RORA: variants seen among roughly 807,000 people sequenced by gnomAD.
The protein encoded by RORA is nuclear receptor ROR-alpha.
RORA carries 7 observed loss-of-function variants against 69.5 expected under a neutral mutation model. That is an observed-to-expected ratio of 0.10 (90% confidence interval 0.06 to 0.19). RORA has a LOEUF of 0.19. Among genes scored for constraint, RORA ranks in the 10% least tolerant of loss-of-function variants. RORA has a pLI of 1.00. For missense variants in RORA, 457 were observed against 663.0 expected (o/e 0.69, Z 3.41); for synonymous variants, 261 against 240.8 (o/e 1.08, Z -0.78).
intron 1 of RORA, among the ~76,000 whole-genome samples, chr15:60,967,511 G>A (rs1893588515): frequency 1.3e-5 from 2 of 152,232 alleles, no homozygotes; most frequent in East Asian, 1.9e-4. Flanking sequence ...AATGACTGAC[G>A]GGCCTGTAAT....
intron 1 of RORA, among the ~76,000 whole-genome samples, chr15:61,205,462 G>A (rs1339278303): frequency 6.6e-6 from 1 of 152,218 alleles, no homozygotes; most frequent in Non-Finnish European, 1.5e-5. Context: ...TACTTGTCAG[G>A]ATTGCACGCA....
At chr15:60,609,735 A>T (rs1248855252) in intron 2 of RORA, among the ~76,000 whole-genome samples, 1 of 152,208 alleles carries the variant, frequency 6.6e-6, no homozygotes, top group East Asian at 1.9e-4. Flanking sequence ...TTGCCCAAAG[A>T]GGGGTCTCCA....
Position 60,494,243 on chromosome 15 carries a change from C to T in RORA, c.*3212G>A, listed in dbSNP as rs1440130428. On this transcript the variant is annotated 3_prime_UTR_variant, in exon 11 of 11. Coordinates refer to ENST00000335670, the MANE Select transcript of RORA (RefSeq NM_134261.3). ...TGTCCAAAAAGCACTTTCATCTGTA[C>T]TTTTGTTTGCATTGTGACCAAGGCC... The T allele has an allele frequency of 1.3e-5, 2 of 152,174 alleles. No homozygotes were observed. The highest frequency in any genetic ancestry group is 2.4e-5 in the African/African-American group (1 of 41,440). 9.4% of individuals were successfully genotyped at this position (152,174 alleles called of 1,614,324 possible).
intron 1 of RORA, among the ~76,000 whole-genome samples, chr15:61,210,701 CT>C (rs1343317032): frequency 6.6e-6 from 1 of 152,132 alleles, no homozygotes; most frequent in Non-Finnish European, 1.5e-5. Flanking sequence ...TTTTTGAAAC[CT>C]TGAGCCGCAA....
chr15:61,004,900 C>A (rs1167519533), intron 1 of RORA, among the ~76,000 whole-genome samples: 1 of 152,064 alleles, frequency 6.6e-6, no homozygotes, highest in Non-Finnish European at 1.5e-5. Flanking sequence ...AAAGATAATA[C>A]CAATGTTGAT....
intron 1 of RORA, among the ~76,000 whole-genome samples, chr15:61,139,902 T>G (rs1193871742): frequency 1.3e-5 from 2 of 152,202 alleles, no homozygotes; most frequent in Non-Finnish European, 2.9e-5. Context: ...TTTAAAAATA[T>G]AGTTAAATGA....
chr15:60,788,490 C>G (rs760318930), intron 1 of RORA, among the ~76,000 whole-genome samples: 1 of 152,224 alleles, frequency 6.6e-6, no homozygotes, highest in East Asian at 1.9e-4. Flanking sequence ...GACCTATCAT[C>G]TTTCTTTTTC....
chr15:60,607,712 G>C (rs867828804), intron 2 of RORA, among the ~76,000 whole-genome samples: 1 of 152,196 alleles, frequency 6.6e-6, no homozygotes, highest in Non-Finnish European at 1.5e-5. Flanking sequence ...ATTTACTGGA[G>C]TGATGAGTGT....
intron 1 of RORA, among the ~76,000 whole-genome samples, chr15:61,205,612 G>A (rs1021600013): frequency 1.3e-5 from 2 of 152,168 alleles, no homozygotes; most frequent in African/African-American, 4.8e-5. Context: ...GGATACCTAA[G>A]GAATGAAAGG....
At chr15:60,568,700 A>G (rs1042835935) in intron 2 of RORA, among the ~76,000 whole-genome samples, 23 of 152,208 alleles carry the variant, frequency 1.5e-4, no homozygotes, top group African/African-American at 5.5e-4. Context: ...CTTGACCCAG[A>G]GCTCACTCAC....
At chr15:61,137,350 G>C (rs143484918) in intron 1 of RORA, among the ~76,000 whole-genome samples, 151 of 152,244 alleles carry the variant, frequency 9.9e-4, no homozygotes, top group African/African-American at 3.6e-3. Context: ...TTTTCTCTCT[G>C]GCGCCCAAAG....
intron 1 of RORA, among the ~76,000 whole-genome samples, chr15:61,060,799 T>C (rs368346922): frequency 6.6e-6 from 1 of 152,126 alleles, no homozygotes; most frequent in East Asian, 1.9e-4. Context: ...AAGAATTGTC[T>C]TGGGCCACAC....
intron 1 of RORA, among the ~76,000 whole-genome samples, chr15:61,055,897 T>C (rs999678813): frequency 6.6e-6 from 1 of 152,228 alleles, no homozygotes; most frequent in Non-Finnish European, 1.5e-5. Context: ...TGACAGGTAA[T>C]AGTCCTTTAT....
At chr15:60,815,964 A>ATATACACTATAG (rs1567200668) in intron 1 of RORA, among the ~76,000 whole-genome samples, 1 of 135,318 alleles carries the variant, frequency 7.4e-6, no homozygotes, top group African/African-American at 2.8e-5. Flanking sequence ...TAAATAGTAT[A>ATATACACTATAG]TGTATTTATT....
intron 1 of RORA, among the ~76,000 whole-genome samples, chr15:60,693,420 A>G (rs1474480502): frequency 6.6e-6 from 1 of 152,206 alleles, no homozygotes; most frequent in Non-Finnish European, 1.5e-5. Context: ...CACCACTCCT[A>G]TTCAACATAG....
intron 1 of RORA, among the ~76,000 whole-genome samples, chr15:60,931,109 A>G (rs1009673224): frequency 3.3e-5 from 5 of 152,336 alleles, no homozygotes; most frequent in African/African-American, 1.2e-4. Context: ...GGTCTGGGGA[A>G]GAACTCCCTG....
intron 1 of RORA, among the ~76,000 whole-genome samples, chr15:61,132,766 T>C (rs2079202506): frequency 6.6e-6 from 1 of 152,112 alleles, no homozygotes; most frequent in South Asian, 2.1e-4. Flanking sequence ...ATAAATAAGG[T>C]TAAACTATAC....
chr15:61,136,952 A>G (rs1467778824), intron 1 of RORA, among the ~76,000 whole-genome samples: 1 of 151,862 alleles, frequency 6.6e-6, no homozygotes, highest in Non-Finnish European at 1.5e-5. Context: ...CATTCCAAGA[A>G]GAGAAGGTCC....
chr15:60,827,825 A>C (rs184644055), intron 1 of RORA, among the ~76,000 whole-genome samples: 103 of 151,988 alleles, frequency 6.8e-4, no homozygotes, highest in Admixed American at 2.0e-3. Flanking sequence ...ATTCTTGAAG[A>C]CTCCTTTATA....
Sources: gnomAD v4.1 joint callset for allele counts (sites outside exome capture counted in the v4.1 genomes callset) on GRCh38, gnomAD v4.1.1 for gene constraint, MANE v1.5 for transcripts, NCBI Gene and HGNC (gene_info 2026-07-23, HGNC 2026-07-21) for gene names.